Variants in DIAPH2 observed in about 807,000 individuals in gnomAD.
DIAPH2 encodes diaphanous related formin 2.
A neutral mutation model predicts 92.7 loss-of-function variants in DIAPH2; 35 were observed. The observed-to-expected ratio is 0.38, with a 90% CI of 0.29 to 0.50. The LOEUF is 0.50. Ranked by LOEUF, DIAPH2 falls within the 20% of genes least tolerant of loss-of-function variation. The pLI is 0.94. For synonymous variants in DIAPH2, 301 were observed against 280.4 expected (o/e 1.07, Z -0.73); for missense variants, 701 against 819.5 (o/e 0.86, Z 1.77).
chrX:97,114,611 G>A, intron 20 of DIAPH2, 115 bp from the exon 21 acceptor site: 8 of 682,752 alleles, frequency 1.2e-5, no homozygotes, highest in Non-Finnish European at 1.6e-5. Context: ...AAATCCCAGA[G>A]CAAACTGACT....
intron 26 of DIAPH2, among the ~76,000 whole-genome samples, chrX:97,453,120 G>T (rs956356082): frequency 8.2e-5 from 9 of 110,375 alleles, no homozygotes; most frequent in Non-Finnish European, 1.7e-4. Flanking sequence ...ATTTTACATT[G>T]TTCATATTAT....
intron 17 of DIAPH2, among the ~76,000 whole-genome samples, chrX:96,967,297 A>G (rs760008990): frequency 9.0e-6 from 1 of 111,500 alleles, no homozygotes; most frequent in South Asian, 3.8e-4. Flanking sequence ...GCAGTATTTA[A>G]TTTTCTGTTC....
chrX:96,936,042 C>G (rs1489953882), intron 10 of DIAPH2, among the ~76,000 whole-genome samples: 1 of 111,705 alleles, frequency 9.0e-6, no homozygotes, highest in East Asian at 2.8e-4. Flanking sequence ...TAATAAATTT[C>G]TTCATTCCAT....
chrX:97,565,985 T>C (rs1425709215), intron 26 of DIAPH2, among the ~76,000 whole-genome samples: 1 of 112,311 alleles, frequency 8.9e-6, no homozygotes, highest in East Asian at 2.8e-4. Flanking sequence ...TTGTTTACAA[T>C]GATCTCCAAC....
chrX:97,156,383 G>C (rs1201130606), intron 22 of DIAPH2, among the ~76,000 whole-genome samples: 1 of 112,162 alleles, frequency 8.9e-6, no homozygotes, highest in Non-Finnish European at 1.9e-5. Flanking sequence ...CGTATTGACA[G>C]ATCTTTAATA....
chrX:96,925,936 C>A (rs2065578302), intron 9 of DIAPH2, among the ~76,000 whole-genome samples: 2 of 111,972 alleles, frequency 1.8e-5, no homozygotes, highest in South Asian at 7.4e-4. Context: ...ACATTCACAT[C>A]TTTCTTCTCT....
intron 9 of DIAPH2, among the ~76,000 whole-genome samples, chrX:96,920,907 C>T (rs180885883): frequency 2.3e-3 from 253 of 112,211 alleles, no homozygotes; most frequent in Non-Finnish European, 4.0e-3. Context: ...CTAGTACTCT[C>T]ACAAGAATTG....
At chrX:97,457,177 T>A (rs1017187406) in intron 26 of DIAPH2, among the ~76,000 whole-genome samples, 1 of 111,462 alleles carries the variant, frequency 9.0e-6, no homozygotes, top group Non-Finnish European at 1.9e-5. Flanking sequence ...CCCGCCACCA[T>A]GCCTGGCTAA....
At chrX:96,750,866 C>A (rs1277956871) in intron 3 of DIAPH2, among the ~76,000 whole-genome samples, 1 of 112,663 alleles carries the variant, frequency 8.9e-6, no homozygotes, top group Non-Finnish European at 1.9e-5. Flanking sequence ...ACTTCAGCTT[C>A]CTGCCATGTT....
rs1173027895 is a variant in DIAPH2, at chrX:97,309,872, C to T, written c.2845-38244C>T. Among the ~76,000 whole-genome samples the T allele has an allele frequency of 3.6e-5, 4 of 112,013 alleles. No homozygotes were observed. The East Asian group carries it at 1.1e-3, about 31-fold the overall frequency. ...AAAACCTAGAAACAGTTTTAAGGCC[C>T]AGGGTATGGTGAAGTCACCAACCTG... On this transcript the variant is annotated intron_variant, in intron 23 of 26. Transcript: ENST00000324765.
chrX:97,311,409 GCAGTACACCAGAGTTTTATTACT>G (rs1345372317), intron 23 of DIAPH2, among the ~76,000 whole-genome samples: 6 of 111,695 alleles, frequency 5.4e-5, no homozygotes, highest in Admixed American at 9.6e-5. Flanking sequence ...AGCCAGCTGT[GCAGTACACCAGAGTTTTATTACT>G]CAAATCAGTC....
chrX:97,146,511 G>A (rs769745321), intron 22 of DIAPH2, among the ~76,000 whole-genome samples: 9 of 110,640 alleles, frequency 8.1e-5, no homozygotes, highest in African/African-American at 2.9e-4. Context: ...TTTCTGTGTG[G>A]TATAGCAAAT....
intron 5 of DIAPH2, among the ~76,000 whole-genome samples, chrX:96,887,133 G>T (rs2065268693): frequency 9.0e-6 from 1 of 111,291 alleles, no homozygotes; most frequent in Admixed American, 9.6e-5. Context: ...TTCTGCTGCA[G>T]GTAAGAGATA....
intron 26 of DIAPH2, among the ~76,000 whole-genome samples, chrX:97,550,153 G>A (rs1196610380): frequency 1.8e-5 from 2 of 112,113 alleles, no homozygotes; most frequent in Non-Finnish European, 3.8e-5. Context: ...GAGGTCAGGA[G>A]TTTGAGACCA....
chrX:97,389,990 T>A (rs2069640982), intron 25 of DIAPH2, among the ~76,000 whole-genome samples: 4 of 110,745 alleles, frequency 3.6e-5, no homozygotes, highest in Admixed American at 1.9e-4. Context: ...ATAGCTCCAA[T>A]GGAAAACTTA....
chrX:97,510,524 T>C (rs1488750919), intron 26 of DIAPH2, among the ~76,000 whole-genome samples: 1 of 108,091 alleles, frequency 9.3e-6, no homozygotes, highest in Non-Finnish European at 1.9e-5. Context: ...TTAGATCCCA[T>C]TTGTCAATTT....
At chrX:97,290,131 C>T (rs2068578394) in intron 23 of DIAPH2, among the ~76,000 whole-genome samples, 1 of 106,914 alleles carries the variant, frequency 9.4e-6, no homozygotes, top group East Asian at 2.9e-4. Context: ...GTTATCAAAA[C>T]TTAGTATTTC....
At chrX:97,247,632 A>G in intron 22 of DIAPH2, 83 bp from the exon 23 acceptor site, 2 of 934,692 alleles carry the variant, frequency 2.1e-6, no homozygotes, top group Non-Finnish European at 2.9e-6. Context: ...AAAAAAAAAG[A>G]CTTTAACTGA....
intron 4 of DIAPH2, among the ~76,000 whole-genome samples, chrX:96,834,210 A>C (rs2064873532): frequency 9.0e-6 from 1 of 111,715 alleles, no homozygotes; most frequent in Non-Finnish European, 1.9e-5. Flanking sequence ...CCTAAAATGA[A>C]ATACTCATTA....
Sources: allele counts gnomAD v4.1 joint callset (sites outside exome capture counted in the v4.1 genomes callset), GRCh38; gene constraint gnomAD v4.1.1; transcripts MANE v1.5; gene names NCBI Gene and HGNC (gene_info 2026-07-23, HGNC 2026-07-21).